The following KCNAB2 variants were observed in gnomAD, a reference collection of about 807,000 sequenced individuals.
The protein encoded by KCNAB2 is voltage-gated potassium channel subunit beta-2.
Under a neutral mutation model 63.6 loss-of-function variants are expected in KCNAB2, and 29 were observed. The ratio of observed to expected loss-of-function variants is 0.46; its 90% CI spans 0.34 to 0.62. The LOEUF is 0.62. KCNAB2 is among the 20% of genes least tolerant of loss of function. KCNAB2 has a pLI of 0.01. For missense variants in KCNAB2, 359 were observed against 563.9 expected, an observed-to-expected ratio of 0.64 and a Z score of 3.68; for synonymous variants, 222 against 224.2, an observed-to-expected ratio of 0.99 and a Z score of 0.09.
At chr1:6,041,297 C>T, upstream of KCNAB2, 1 of 166,980 alleles carries the variant, frequency 6.0e-6, no homozygotes, top group Non-Finnish European at 1.3e-5. Flanking sequence ...CAGGCAGTAC[C>T]CCAGCAGCCC....
chr1:6,042,684 C>T (rs1401971503), upstream of KCNAB2, among the ~76,000 whole-genome samples: 1 of 152,222 alleles, frequency 6.6e-6, no homozygotes, highest in African/African-American at 2.4e-5. Flanking sequence ...CCCTGGTATG[C>T]ATTGCTGCAT....
rs1471736016 is a variant in KCNAB2, at chr1:6,087,625, T to C, written c.470+114T>C. ...GGGGTGGCGGGAGGACAGTCCTCCT[T>C]GAGAAGGGAGAGTGGTCGGGGTCTG... is the stretch of plus-strand genomic sequence containing the variant. On this transcript the variant is annotated intron_variant, in intron 7 of 15. Transcript: ENST00000378083. This position sits in a 1 kb window ranked among gnomAD's most constrained non-coding sequence, Gnocchi z 6.4. 6 of 1,107,174 alleles carry C rather than the reference T, an allele frequency of 5.4e-6. No individual in the cohort carries two copies. Among genetic ancestry groups the C allele is most frequent in the Non-Finnish European group, 8.2e-6 (6 of 734,806 alleles). The allele number at this position is 1,107,174 out of a possible 1,614,324, so 68.6% of individuals were successfully genotyped here.
At chr1:6,060,248 G>A (rs866442377) in intron 2 of KCNAB2, among the ~76,000 whole-genome samples, 5 of 152,188 alleles carry the variant, frequency 3.3e-5, no homozygotes, top group East Asian at 3.9e-4. Flanking sequence ...CCGCTGATGC[G>A]CTCTCCTGCT....
At chr1:6,093,402 A>G (rs895011080) in intron 10 of KCNAB2, among the ~76,000 whole-genome samples, 2 of 152,260 alleles carry the variant, frequency 1.3e-5, no homozygotes, top group Non-Finnish European at 2.9e-5. Flanking sequence ...TTCTGTTTTT[A>G]AAATCACAAT....
At position 6,058,620 on chromosome 1, in the gene KCNAB2, G is replaced by A. The variant is rs566540162; in HGVS notation, c.218+6866G>A. ...AAAGGGACCTTCCCACACAGCAGTC[G>A]CTGTCCAGGCACCTGGACTGTCCCC... On this transcript the variant is annotated intron_variant, in intron 2 of 15. Transcript: ENST00000378083. 7.9e-5 allele frequency among the ~76,000 whole-genome samples: 12 copies of A among 152,354 alleles called. No homozygotes were observed. The East Asian group carries it at 2.1e-3, about 27-fold the overall frequency.
chr1:6,085,658 G>T, intron 6 of KCNAB2: 1 of 225,558 alleles, frequency 4.4e-6, no homozygotes, highest in Non-Finnish European at 8.2e-6. Flanking sequence ...TTAGGGTCAG[G>T]GGAGCCAGGG....
chr1:6,047,525 C>A (rs972581521), intron 1 of KCNAB2, among the ~76,000 whole-genome samples: 2 of 152,162 alleles, frequency 1.3e-5, no homozygotes, highest in Admixed American at 6.5e-5. Flanking sequence ...GTCCCCCCCA[C>A]ACAAGAGAGG....
intron 8 of KCNAB2, among the ~76,000 whole-genome samples, chr1:6,089,393 C>T (rs565414691): frequency 6.6e-6 from 1 of 152,348 alleles, no homozygotes; most frequent in South Asian, 2.1e-4. Context: ...GCGCACCCGG[C>T]GAGGGTGGCT....
chr1:6,077,017 C>G (rs747986298), intron 4 of KCNAB2, among the ~76,000 whole-genome samples: 2 of 152,046 alleles, frequency 1.3e-5, no homozygotes, highest in Non-Finnish European at 2.9e-5. Flanking sequence ...AACCCCATCT[C>G]TACTAAAAAT....
chr1:6,089,154 T>C (rs1243781150), intron 8 of KCNAB2, 103 bp downstream of exon 8: 7 of 1,248,018 alleles, frequency 5.6e-6, no homozygotes, highest in Middle Eastern at 2.6e-4. Context: ...GTTAACCCAC[T>C]GAGGGCCCAA....
At chr1:6,088,575 G>A (rs1283993316) in intron 7 of KCNAB2, among the ~76,000 whole-genome samples, 7 of 151,486 alleles carry the variant, frequency 4.6e-5, no homozygotes, top group African/African-American at 1.7e-4. Context: ...AAGATATGGG[G>A]TCTCACTATG....
intron 1 of KCNAB2, among the ~76,000 whole-genome samples, chr1:6,049,246 A>G (rs1467974851): frequency 1.3e-5 from 2 of 152,196 alleles, no homozygotes; most frequent in Non-Finnish European, 2.9e-5. Context: ...TTGCTGTTCT[A>G]CAAGTATCTG....
chr1:6,074,404 G>A lies in KCNAB2; in HGVS notation c.300+634G>A, dbSNP rs1245087433. ...TCTCGGAAGGACAGGGACGGCACAC[G>A]CCCAGACATGTGTGCTTCTGGACAG... On this transcript the variant is annotated intron_variant, in intron 4 of 15. Transcript: ENST00000378083. The surrounding 1 kb of genome is among the most constrained non-coding windows in gnomAD (Gnocchi z 4.9). Among the ~76,000 whole-genome samples the A allele has an allele frequency of 2.0e-5, 3 of 152,224 alleles. No homozygotes were observed. Among genetic ancestry groups the A allele is most frequent in the African/African-American group, 7.2e-5 (3 of 41,454 alleles).
intron 10 of KCNAB2, among the ~76,000 whole-genome samples, chr1:6,092,187 A>G (rs1473463544): frequency 6.6e-6 from 1 of 152,278 alleles, no homozygotes; most frequent in East Asian, 1.9e-4. Flanking sequence ...GGTGAAGGAC[A>G]GTTGTCCCTA....
At chr1:6,042,025 A>T (rs1282274152), upstream of KCNAB2, among the ~76,000 whole-genome samples, 4 of 151,658 alleles carry the variant, frequency 2.6e-5, no homozygotes, top group East Asian at 7.9e-4. Context: ...CTCTGTGCCT[A>T]CCCACAGGAT....
intron 1 of KCNAB2, among the ~76,000 whole-genome samples, chr1:6,005,805 C>T (rs1488228023): frequency 6.6e-6 from 1 of 151,854 alleles, no homozygotes; most frequent in Non-Finnish European, 1.5e-5. Context: ...GCCGGAGTTT[C>T]CCCTGGCAGG....
At position 6,082,269 on chromosome 1, in the gene KCNAB2, C is replaced by T. The variant is rs2229004; in HGVS notation, c.375C>T (p.Ala125=). The T allele has an allele frequency of 7.0e-3, 11,215 of 1,612,438 alleles. 622 individuals carry two copies. In the African/African-American group the frequency reaches 0.12, roughly 18 times the overall value. The change falls in exon 5 of 16, where the codon GCC becomes GCT. Residue 125 remains alanine, a synonymous_variant. Transcript: ENST00000378083. ...NLFDTAEVYA[A]GKAEVVLGNI... The stretch of plus-strand genomic sequence containing the variant: ...TCGATACAGCAGAAGTCTACGCAGC[C>T]GGCAAGTACGTGTCTTTTCACACGG...
chr1:6,092,607 G>A (rs911606832), intron 10 of KCNAB2, among the ~76,000 whole-genome samples: 1 of 152,222 alleles, frequency 6.6e-6, no homozygotes. Flanking sequence ...CCACAAGGCC[G>A]GGCAGGCCAG....
chr1:6,089,695 T>C (rs1665018536), intron 8 of KCNAB2, among the ~76,000 whole-genome samples: 1 of 152,174 alleles, frequency 6.6e-6, no homozygotes, highest in African/African-American at 2.4e-5. Flanking sequence ...TTAGACACTA[T>C]TGCCATTGTT....
Sources: allele counts gnomAD v4.1 joint callset (sites outside exome capture counted in the v4.1 genomes callset), GRCh38; gene constraint gnomAD v4.1.1; non-coding constraint Gnocchi (gnomAD v3.1); transcripts MANE v1.5; gene names NCBI Gene and HGNC (gene_info 2026-07-23, HGNC 2026-07-21).